TRAPPC13: variants seen among roughly 807,000 people sequenced by gnomAD.
The protein encoded by TRAPPC13 is trafficking protein particle complex subunit 13, also known as REV7-interacting novel NHEJ regulator 1.
In TRAPPC13, 39 loss-of-function variants were observed where a neutral mutation model predicts 54.0. The observed-to-expected ratio is 0.72, with a 90% CI of 0.56 to 0.94. The LOEUF (loss-of-function observed/expected upper bound fraction) is 0.94, where lower values mean the gene tolerates loss of function less well. Among genes scored for constraint, TRAPPC13 ranks in the 40% least tolerant of loss-of-function variants. TRAPPC13 has a pLI of 0.00. For missense variants in TRAPPC13, 386 were observed against 488.1 expected, an observed-to-expected ratio of 0.79 and a Z score of 1.97; for synonymous variants, 148 against 167.7, an observed-to-expected ratio of 0.88 and a Z score of 0.91.
At chr5:65,625,241 G>A in intron 1 of TRAPPC13, 135 bp downstream of exon 1, 1 of 753,990 alleles carries the variant, frequency 1.3e-6, no homozygotes, top group African/African-American at 1.8e-5. Context: ...GCCGCCAAGC[G>A]GGAGGAAGCG....
rs751309658 is a variant in TRAPPC13 at position 65,664,657 on chromosome 5, C to T, written c.*46C>T. On this transcript the variant is annotated 3_prime_UTR_variant, in exon 13 of 13. Transcript: ENST00000399438. ...CTTTTCATTTAGTTTCACAGAACTGCTCTTTTTGTTACCTTTGTAAAATGA... is the reference window on the plus strand; with the variant it reads ...CTTTTCATTTAGTTTCACAGAACTGTTCTTTTTGTTACCTTTGTAAAATGA... The T allele has an allele frequency of 2.7e-5, 37 of 1,386,048 alleles. No individual in the cohort carries two copies. The highest frequency in any genetic ancestry group is 3.4e-5 in the Non-Finnish European group (34 of 990,062). The allele number at this position is 1,386,048 out of a possible 1,614,324, so 85.9% of individuals were successfully genotyped here.
intron 2 of TRAPPC13, 47 bp from the exon 3 acceptor site, chr5:65,635,897 T>C (rs1284006067): frequency 1.7e-6 from 2 of 1,192,228 alleles, no homozygotes; most frequent in African/African-American, 1.6e-5. Flanking sequence ...AAGTAAAAGT[T>C]ATTTAAAGGG....
chr5:65,634,375 T>C (rs570270395), intron 1 of TRAPPC13, among the ~76,000 whole-genome samples: 1 of 152,294 alleles, frequency 6.6e-6, no homozygotes, highest in Non-Finnish European at 1.5e-5. Flanking sequence ...AGTCAATTAG[T>C]TGATTATGGA....
Position 65,647,127 on chromosome 5 carries a change from G to A in TRAPPC13, c.373G>A (p.Asp125Asn). The A allele has an allele frequency of 6.4e-7, 1 of 1,574,462 alleles. No homozygotes were observed. The highest frequency in any genetic ancestry group is 1.2e-5 in the South Asian group (1 of 86,062). ...TGCTGCAGTGGCTGAACTTAAACCG[G>A]ATTGTTGTATTGATGATGTCATACA... ...SNAAVAELKP[D>N]CCIDDVIHHE... The change falls in exon 5 of 13, where the codon GAT becomes AAT. Residue 125 changes from aspartate (D) to asparagine (N), a missense_variant. Asp to Asn is a conservative substitution (Grantham distance 23). Coordinates refer to ENST00000399438, the MANE Select transcript of TRAPPC13 (RefSeq NM_024941.4).
At chr5:65,630,355 T>G (rs1464774818) in intron 1 of TRAPPC13, 3 of 1,471,342 alleles carry the variant, frequency 2.0e-6, no homozygotes, top group Non-Finnish European at 1.8e-6. Flanking sequence ...TTCCACTGAT[T>G]GTCAAAAAGA....
At chr5:65,626,001 C>T (rs1168824228) in intron 1 of TRAPPC13, 2 of 152,192 alleles carry the variant, frequency 1.3e-5, no homozygotes, top group African/African-American at 4.8e-5. Context: ...TCATCAGTCT[C>T]ATATAATGAT....
At chr5:65,650,313 C>G (rs946270217) in intron 5 of TRAPPC13, among the ~76,000 whole-genome samples, 6 of 151,702 alleles carry the variant, frequency 4.0e-5, no homozygotes, top group Non-Finnish European at 8.8e-5. Flanking sequence ...AGGCGCCCAC[C>G]ACCACACCCA....
At chr5:65,663,908 G>A in intron 11 of TRAPPC13, 1 of 223,452 alleles carries the variant, frequency 4.5e-6, no homozygotes, top group Non-Finnish European at 8.7e-6. Flanking sequence ...ATGGCAACAA[G>A]ATTAGACACA....
intron 11 of TRAPPC13, chr5:65,662,534 T>G (rs565771757): frequency 6.5e-6 from 1 of 153,652 alleles, no homozygotes; most frequent in Non-Finnish European, 1.4e-5. Context: ...AACCAAACAT[T>G]GCTTATGGAT....
At chr5:65,653,520 G>A (rs934952418) in intron 7 of TRAPPC13, among the ~76,000 whole-genome samples, 2 of 152,114 alleles carry the variant, frequency 1.3e-5, no homozygotes, top group Admixed American at 6.6e-5. Flanking sequence ...AAGAAAAAAT[G>A]CATGTAATAA....
intron 4 of TRAPPC13, among the ~76,000 whole-genome samples, chr5:65,641,079 G>A (rs1156915993): frequency 2.6e-5 from 4 of 151,960 alleles, no homozygotes. Flanking sequence ...GATTGCAGGG[G>A]TGTGACACTA....
chr5:65,627,748 C>T (rs1411346097), intron 1 of TRAPPC13, among the ~76,000 whole-genome samples: 1 of 152,092 alleles, frequency 6.6e-6, no homozygotes, highest in Non-Finnish European at 1.5e-5. Context: ...AACATTAGTG[C>T]ATCATTAGTT....
chr5:65,652,339 C>CTTTTTTTTTTTTTTTTT (rs11354403), intron 6 of TRAPPC13, among the ~76,000 whole-genome samples, 162 bp from the exon 7 acceptor site: 9 of 116,228 alleles, frequency 7.7e-5, no homozygotes, highest in African/African-American at 2.8e-4. Context: ...TTTTTCTTTT[C>CTTTTTTTTTTTTTTTTT]TTTTTTTTTT....
chr5:65,651,002 T>G, intron 6 of TRAPPC13, 120 bp downstream of exon 6: 1 of 713,684 alleles, frequency 1.4e-6, no homozygotes, highest in Middle Eastern at 2.8e-4. Flanking sequence ...GCTCAATATT[T>G]TTGAATGTGT....
chr5:65,627,729 G>A (rs1755317087), intron 1 of TRAPPC13, among the ~76,000 whole-genome samples: 1 of 152,136 alleles, frequency 6.6e-6, no homozygotes, highest in South Asian at 2.1e-4. Context: ...ATAAGGAACA[G>A]GGAAGAAAAA....
At position 65,637,784 on chromosome 5, in the gene TRAPPC13, A is replaced by G. The variant is rs371637781; in HGVS notation, c.300+4A>G. ...TGTAAAAGACATATTAGTAAAAGTA[A>G]GTAACATTCTTACTTGGGATGTATT... On this transcript the variant is annotated splice_donor_region_variant and intron_variant, in intron 4 of 12. Transcript: ENST00000399438. 12 of 1,515,028 alleles carry G rather than the reference A, an allele frequency of 7.9e-6. No homozygotes were observed. The highest frequency in any genetic ancestry group is 1.1e-5 in the Non-Finnish European group (12 of 1,111,796). 93.8% of individuals were successfully genotyped at this position (1,515,028 alleles called of 1,614,324 possible). A position where few individuals can be genotyped will look rare whatever the true frequency, so the allele number is the denominator to read the frequency against.
At chr5:65,652,904 G>A (rs1447621517) in intron 7 of TRAPPC13, among the ~76,000 whole-genome samples, 2 of 151,912 alleles carry the variant, frequency 1.3e-5, no homozygotes, top group Admixed American at 1.3e-4. Context: ...TAGATCTAAC[G>A]CTGCAAAATA....
intron 1 of TRAPPC13, chr5:65,630,888 A>G (rs181151558): frequency 1.2e-5 from 2 of 161,638 alleles, no homozygotes; most frequent in African/African-American, 2.4e-5. Flanking sequence ...CAAATGTTGA[A>G]TGATTGTTTA....
intron 1 of TRAPPC13, chr5:65,629,386 T>C (rs1427710506): frequency 2.6e-6 from 3 of 1,151,766 alleles, no homozygotes; most frequent in Non-Finnish European, 3.3e-6. Context: ...GGTTTTTGTT[T>C]TTTGTTTTTC....
Sources: allele counts gnomAD v4.1 joint callset (sites outside exome capture counted in the v4.1 genomes callset), GRCh38; gene constraint gnomAD v4.1.1; transcripts MANE v1.5; gene names NCBI Gene and HGNC (gene_info 2026-07-23, HGNC 2026-07-21).